The following CAMK1G variants were observed in gnomAD, a reference collection of about 807,000 sequenced individuals.
The protein encoded by CAMK1G is calcium/calmodulin dependent protein kinase IG.
Under a neutral mutation model 54.8 loss-of-function variants are expected in CAMK1G, and 27 were observed. That is an observed-to-expected ratio of 0.49 (90% CI 0.36 to 0.68). CAMK1G has a LOEUF of 0.68. Ranked by LOEUF, CAMK1G falls within the 30% of genes least tolerant of loss-of-function variation. The probability of loss-of-function intolerance (pLI) is 0.00; values close to 1 mark genes in which losing one functional copy is unlikely to be tolerated. For missense variants in CAMK1G, 512 were observed against 591.0 expected (o/e 0.87, Z 1.39); for synonymous variants, 238 against 224.9 (o/e 1.06, Z -0.52).
chr1:209,601,151 G>A (rs1236540562), intron 3 of CAMK1G, among the ~76,000 whole-genome samples: 1 of 152,196 alleles, frequency 6.6e-6, no homozygotes, highest in Non-Finnish European at 1.5e-5. Flanking sequence ...AGGCACAGTG[G>A]AGGATGGATT....
chr1:209,605,285 A>G (rs925768637), intron 4 of CAMK1G, among the ~76,000 whole-genome samples: 1 of 152,132 alleles, frequency 6.6e-6, no homozygotes, highest in Non-Finnish European at 1.5e-5. Flanking sequence ...AAGCATTTAC[A>G]TTTTAAAGGA....
intron 1 of CAMK1G, among the ~76,000 whole-genome samples, chr1:209,590,663 C>T (rs953884422): frequency 3.9e-5 from 6 of 152,124 alleles, no homozygotes; most frequent in African/African-American, 1.4e-4. Context: ...CTCTTGGTCC[C>T]AGAGCTGGAA....
rs1464806953 is a variant in CAMK1G at position 209,603,148 on chromosome 1, G to T, written c.222-66G>T. 3 of 1,537,124 alleles carry T rather than the reference G, an allele frequency of 2.0e-6. No homozygotes were observed. In the African/African-American group the frequency reaches 4.1e-5, roughly 21 times the overall value. On this transcript the variant is annotated intron_variant, in intron 3 of 12. Transcript: ENST00000361322. ...GCCTCCAACAGAAACTTTTGGGCTA[G>T]GTCTGCATTATTTGTCTGTACAACC...
At chr1:209,593,019 A>T (rs1025671865) in intron 1 of CAMK1G, among the ~76,000 whole-genome samples, 1 of 152,214 alleles carries the variant, frequency 6.6e-6, no homozygotes, top group Non-Finnish European at 1.5e-5. Flanking sequence ...AAAAGAAACA[A>T]CTGTTTATCA....
Position 209,595,113 on chromosome 1 carries a change from G to T in CAMK1G, c.92+38G>T, listed in dbSNP as rs371465045. 3.5e-6 allele frequency: 5 copies of T among 1,443,274 alleles called. No individual in the cohort carries two copies. The African/African-American group carries it at 7.0e-5, about 20-fold the overall frequency. The allele number at this position is 1,443,274 out of a possible 1,614,324, so 89.4% of individuals were successfully genotyped here. ...GCTGTGAGGTCGGGTGGGCTGGGCT[G>T]CCTGCAGTGGGAGGTTAGAAGAGTT... On this transcript the variant is annotated intron_variant, in intron 2 of 12. Transcript: ENST00000361322.
At chr1:209,584,241 G>A (rs1237232112) in intron 1 of CAMK1G, among the ~76,000 whole-genome samples, 1 of 152,020 alleles carries the variant, frequency 6.6e-6, no homozygotes, top group Non-Finnish European at 1.5e-5. Flanking sequence ...CCTCTCTGCC[G>A]ACCTCTTTGG....
At chr1:209,585,859 G>C (rs1381196416) in intron 1 of CAMK1G, among the ~76,000 whole-genome samples, 1 of 152,270 alleles carries the variant, frequency 6.6e-6, no homozygotes, top group Non-Finnish European at 1.5e-5. Context: ...ATGAATGAGG[G>C]GAGCGGCTGA....
chr1:209,591,147 C>T (rs916326914), intron 1 of CAMK1G, among the ~76,000 whole-genome samples: 1 of 152,080 alleles, frequency 6.6e-6, no homozygotes, highest in African/African-American at 2.4e-5. Context: ...TTTGTCTCCA[C>T]CTTGTGTACC....
chr1:209,586,475 G>T (rs1209660814), intron 1 of CAMK1G, among the ~76,000 whole-genome samples: 1 of 152,108 alleles, frequency 6.6e-6, no homozygotes, highest in Non-Finnish European at 1.5e-5. Flanking sequence ...AGTGAGATGA[G>T]ATGCTCACAC....
intron 1 of CAMK1G, among the ~76,000 whole-genome samples, chr1:209,588,260 G>T (rs754422854): frequency 2.6e-5 from 4 of 152,192 alleles, no homozygotes; most frequent in Non-Finnish European, 5.9e-5. Flanking sequence ...ATATCCTCTG[G>T]TTTGTCCATG....
At position 209,613,763 on chromosome 1, in the gene CAMK1G, T is replaced by C. The variant is rs1665846338; in HGVS notation, c.*761T>C. The C allele has an allele frequency of 6.6e-6, 1 of 152,242 alleles. No individual in the cohort carries two copies. Among genetic ancestry groups the C allele is most frequent in the Non-Finnish European group, 1.5e-5 (1 of 68,060 alleles). 9.4% of individuals were successfully genotyped at this position (152,242 alleles called of 1,614,324 possible). A position where few individuals can be genotyped will look rare whatever the true frequency, so the allele number is the denominator to read the frequency against. On this transcript the variant is annotated 3_prime_UTR_variant, in exon 13 of 13. Coordinates refer to ENST00000361322, the MANE Select transcript of CAMK1G (RefSeq NM_020439.3). ...CCTCCGTGCACACACCCAATGGAGTTAACCTTGGAAGTTGACTATTTTAAT... is the reference window on the plus strand; with the variant it reads ...CCTCCGTGCACACACCCAATGGAGTCAACCTTGGAAGTTGACTATTTTAAT...
intron 2 of CAMK1G, among the ~76,000 whole-genome samples, chr1:209,598,068 C>T (rs573100522): frequency 6.6e-6 from 1 of 152,144 alleles, no homozygotes; most frequent in South Asian, 2.1e-4. Context: ...CTTTTTATCC[C>T]AAAAGCTGAG....
At chr1:209,606,708 T>C (rs766698214) in intron 6 of CAMK1G, among the ~76,000 whole-genome samples, 1 of 152,202 alleles carries the variant, frequency 6.6e-6, no homozygotes, top group African/African-American at 2.4e-5. Flanking sequence ...TTTCTGCGGA[T>C]AGACTTCCAG....
chr1:209,611,343 T>G, intron 9 of CAMK1G, 122 bp from the exon 10 acceptor site: 1 of 783,534 alleles, frequency 1.3e-6, no homozygotes, highest in Non-Finnish European at 2.1e-6. Context: ...TTTCCTGCTG[T>G]GGGCTGTCTT....
At chr1:209,594,707 A>G (rs1571775475) in intron 1 of CAMK1G, among the ~76,000 whole-genome samples, 1 of 152,240 alleles carries the variant, frequency 6.6e-6, no homozygotes, top group African/African-American at 2.4e-5. Flanking sequence ...CGTACTTACT[A>G]TTGCCCTGAT....
In CAMK1G at chr1:209,612,887, T is replaced by C. The variant is rs1466149454; in HGVS notation, c.*12T>C. 1.3e-6 allele frequency: 2 copies of C among 1,568,262 alleles called. No individual in the cohort carries two copies. The highest frequency in any genetic ancestry group is 1.8e-6 in the Non-Finnish European group (2 of 1,138,856). ...GTCTCATTATGTGATTCCTGGAGCC[T>C]GTGCCTATGTCACTGCAATTTTCAG... On this transcript the variant is annotated 3_prime_UTR_variant, in exon 12 of 13. Transcript: ENST00000361322.
intron 11 of CAMK1G, among the ~76,000 whole-genome samples, 170 bp from the exon 12 acceptor site, chr1:209,612,614 TA>T (rs1162926575): frequency 6.6e-6 from 1 of 152,050 alleles, no homozygotes; most frequent in Admixed American, 6.5e-5. Flanking sequence ...GAAGGAAGTG[TA>T]GGGGGGCTTG....
chr1:209,612,552 G>T (rs1665809380), intron 11 of CAMK1G, among the ~76,000 whole-genome samples: 1 of 152,218 alleles, frequency 6.6e-6, no homozygotes, highest in Non-Finnish European at 1.5e-5. Context: ...CTGGGTATTT[G>T]CAAGTGGTGA....
intron 1 of CAMK1G, among the ~76,000 whole-genome samples, chr1:209,584,980 A>G (rs962663988): frequency 1.3e-5 from 2 of 152,206 alleles, no homozygotes; most frequent in African/African-American, 4.8e-5. Flanking sequence ...TGTGGCATGT[A>G]TTATTTCCCC....
Sources: gnomAD v4.1 joint callset for allele counts (sites outside exome capture counted in the v4.1 genomes callset) on GRCh38, gnomAD v4.1.1 for gene constraint, MANE v1.5 for transcripts, NCBI Gene and HGNC (gene_info 2026-07-23, HGNC 2026-07-21) for gene names.